The following LRRFIP2 variants were observed in gnomAD, a reference collection of about 807,000 sequenced individuals.
LRRFIP2 encodes the protein leucine-rich repeat flightless-interacting protein 2.
In LRRFIP2, 109 loss-of-function variants were observed where a neutral mutation model predicts 125.9. The observed-to-expected ratio is 0.87, with a 90% CI of 0.74 to 1.01. The LOEUF (loss-of-function observed/expected upper bound fraction) is 1.01. Among genes scored for constraint, LRRFIP2 ranks in the 50% least tolerant of loss-of-function variants. The pLI is 0.00. For synonymous variants in LRRFIP2, 291 were observed against 293.1 expected (o/e 0.99, Z 0.07); for missense variants, 850 against 862.3 (o/e 0.99, Z 0.18).
At chr3:37,172,632 T>C (rs2096601164) in intron 1 of LRRFIP2, 1 of 152,220 alleles carries the variant, frequency 6.6e-6, no homozygotes, top group African/African-American at 2.4e-5. Flanking sequence ...TTTCTTCCCC[T>C]TCCCTAATTA....
intron 1 of LRRFIP2, among the ~76,000 whole-genome samples, chr3:37,173,608 G>C (rs993206475): frequency 6.6e-6 from 1 of 152,210 alleles, no homozygotes; most frequent in Non-Finnish European, 1.5e-5. Flanking sequence ...CCTGTATTTT[G>C]CAGGTGCAAT....
rs762318156 is a variant in LRRFIP2 at position 37,065,899 on chromosome 3, T to A, written c.1610A>T (p.Asp537Val). The change falls in exon 23 of 28, where the codon GAT (aspartate) becomes GTT (valine). Residue 537 changes from aspartate (D) to valine (V), a missense_variant. Coordinates refer to ENST00000336686, the MANE Select transcript of LRRFIP2 (RefSeq NM_006309.4). ...TCCAGCCACTGGTTCATGACTGACA[T>A]CACCATTGGGAGTGCCATCGGGGAT... ...VIIPDGTPNG[D>V]VSHEPVAGAI... 2 of 1,614,134 alleles carry A rather than the reference T, an allele frequency of 1.2e-6. No homozygotes were observed. The highest frequency in any genetic ancestry group is 2.2e-5 in the South Asian group (2 of 91,080).
At position 37,065,797 on chromosome 3, in the gene LRRFIP2, A is replaced by G; in HGVS notation, c.1699+13T>C. 2 of 1,614,116 alleles carry G rather than the reference A, an allele frequency of 1.2e-6. No individual in the cohort carries two copies. The highest frequency in any genetic ancestry group is 1.1e-5 in the South Asian group (1 of 91,080). On this transcript the variant is annotated intron_variant, in intron 23 of 27. Transcript: ENST00000336686. ...AACATTAATCCAAGTCAACATAGCA[A>G]CCAGTATCTTACCTAATGGCCCTTC...
At chr3:37,102,653 C>G (rs1414299963) in intron 15 of LRRFIP2, among the ~76,000 whole-genome samples, 2 of 151,782 alleles carry the variant, frequency 1.3e-5, no homozygotes, top group Non-Finnish European at 2.9e-5. Flanking sequence ...TGTGCGCCCC[C>G]ACACCCAGCT....
At chr3:37,159,186 T>G (rs1021512565) in intron 1 of LRRFIP2, among the ~76,000 whole-genome samples, 1 of 152,200 alleles carries the variant, frequency 6.6e-6, no homozygotes, top group African/African-American at 2.4e-5. Flanking sequence ...GGGATCCAAC[T>G]TCACACTTTT....
chr3:37,101,564 T>C (rs1576586936), intron 15 of LRRFIP2, among the ~76,000 whole-genome samples: 1 of 148,896 alleles, frequency 6.7e-6, no homozygotes, highest in East Asian at 2.0e-4. Context: ...ACTTGGGAGG[T>C]TGAGGTGGGA....
At chr3:37,106,775 T>A (rs1559870905) in intron 13 of LRRFIP2, among the ~76,000 whole-genome samples, 1 of 152,206 alleles carries the variant, frequency 6.6e-6, no homozygotes, top group African/African-American at 2.4e-5. Context: ...ACAAGTTTCA[T>A]GATTCACAAT....
At chr3:37,075,872 T>A (rs975961314) in intron 19 of LRRFIP2, among the ~76,000 whole-genome samples, 70 of 152,156 alleles carry the variant, frequency 4.6e-4, no homozygotes, top group African/African-American at 1.7e-3. Context: ...AATAGAGAAT[T>A]CAGGAAAAAC....
intron 19 of LRRFIP2, among the ~76,000 whole-genome samples, chr3:37,075,911 A>G (rs13083652): frequency 6.6e-6 from 1 of 152,324 alleles, no homozygotes; most frequent in Admixed American, 6.5e-5. Context: ...ATATTTAAAA[A>G]CAATAAAAAT....
intron 25 of LRRFIP2, among the ~76,000 whole-genome samples, chr3:37,056,653 C>T (rs1335795396): frequency 6.6e-6 from 1 of 151,930 alleles, no homozygotes; most frequent in Non-Finnish European, 1.5e-5. Flanking sequence ...CGGGGTTTCA[C>T]CATGTTAGCC....
chr3:37,105,862 C>T lies in LRRFIP2; in HGVS notation c.715-339G>A, dbSNP rs530907313. Among the ~76,000 whole-genome samples the T allele has an allele frequency of 1.2e-3, 187 of 152,140 alleles. 1 individual carries two copies. Among genetic ancestry groups the T allele is most frequent in the Admixed American group, 2.9e-3 (44 of 15,292 alleles). On this transcript the variant is annotated intron_variant, in intron 13 of 27. Coordinates refer to ENST00000336686, the MANE Select transcript of LRRFIP2 (RefSeq NM_006309.4). ...GGTGGATTGCTTGAGGTCAGGAGTT[C>T]AAGATGAACCTGACCAACATGGTGA...
At chr3:37,158,984 A>C (rs2096268718) in intron 1 of LRRFIP2, among the ~76,000 whole-genome samples, 1 of 152,140 alleles carries the variant, frequency 6.6e-6, no homozygotes, top group Non-Finnish European at 1.5e-5. Flanking sequence ...TGAAGCACAA[A>C]AGTTTTTATT....
At chr3:37,094,372 C>T (rs866023289) in intron 17 of LRRFIP2, among the ~76,000 whole-genome samples, 14 of 152,180 alleles carry the variant, frequency 9.2e-5, no homozygotes, top group Middle Eastern at 3.2e-3. Flanking sequence ...ACTTCTATTA[C>T]TATGAAAAAC....
intron 4 of LRRFIP2, among the ~76,000 whole-genome samples, chr3:37,124,994 A>G (rs1432768278): frequency 1.3e-5 from 2 of 152,160 alleles, no homozygotes; most frequent in East Asian, 3.9e-4. Flanking sequence ...CATTATCCCA[A>G]AAGTCCTTAT....
chr3:37,125,139 A>G (rs560671242), intron 4 of LRRFIP2, among the ~76,000 whole-genome samples: 1 of 152,326 alleles, frequency 6.6e-6, no homozygotes, highest in East Asian at 1.9e-4. Context: ...GTTCACCTGA[A>G]GGGAGGATGA....
intron 9 of LRRFIP2, 44 bp downstream of exon 9, chr3:37,110,947 T>G (rs76299979): frequency 0.018 from 28,703 of 1,568,916 alleles, 334 homozygotes; most frequent in Non-Finnish European, 0.022. Context: ...AGAAATATGT[T>G]AAAAGTGAAT....
At chr3:37,169,907 C>G (rs951316386) in intron 1 of LRRFIP2, among the ~76,000 whole-genome samples, 31 of 152,180 alleles carry the variant, frequency 2.0e-4, no homozygotes, top group Admixed American at 1.5e-3. Flanking sequence ...CTTTTCCCAG[C>G]TCTTTACCAC....
intron 1 of LRRFIP2, among the ~76,000 whole-genome samples, chr3:37,164,447 G>A (rs1021095643): frequency 6.6e-6 from 1 of 152,164 alleles, no homozygotes; most frequent in Non-Finnish European, 1.5e-5. Flanking sequence ...GCAGGGCATG[G>A]CGGCTCATGC....
chr3:37,128,198 G>A (rs184950324), intron 3 of LRRFIP2, among the ~76,000 whole-genome samples: 1 of 152,234 alleles, frequency 6.6e-6, no homozygotes, highest in East Asian at 1.9e-4. Flanking sequence ...CTTGAGCTGT[G>A]ACAATATAAA....
Sources: allele counts gnomAD v4.1 joint callset (sites outside exome capture counted in the v4.1 genomes callset), GRCh38; gene constraint gnomAD v4.1.1; transcripts MANE v1.5; gene names NCBI Gene and HGNC (gene_info 2026-07-23, HGNC 2026-07-21).